Variants in SFMBT2 observed in about 807,000 individuals in gnomAD.
The protein encoded by SFMBT2 is scm-like with four MBT domains protein 2.
SFMBT2 carries 38 observed loss-of-function variants against 110.1 expected under a neutral mutation model. The observed-to-expected ratio is 0.35, with a 90% CI of 0.27 to 0.45. The LOEUF is 0.45. Among genes scored for constraint, SFMBT2 ranks in the 20% least tolerant of loss-of-function variants. The pLI, the probability that SFMBT2 is intolerant of heterozygous loss-of-function variation, is 1.00. For missense variants in SFMBT2, 1,011 were observed against 1,094.9 expected (o/e 0.92, Z 1.08); for synonymous variants, 425 against 425.4 (o/e 1.00, Z 0.01).
intron 20 of SFMBT2, chr10:7,164,334 TG>T: frequency 1.2e-6 from 1 of 804,088 alleles, no homozygotes; most frequent in Non-Finnish European, 1.5e-6. Flanking sequence ...TGCAGTGAGC[TG>T]TGATCATACC....
chr10:7,287,077 CTTT>C (rs761728311), intron 4 of SFMBT2, among the ~76,000 whole-genome samples: 1 of 99,682 alleles, frequency 1.0e-5, no homozygotes, highest in East Asian at 3.3e-4. Flanking sequence ...TTTGAGGCAT[CTTT>C]TTTTTTTTTT....
chr10:7,204,409 G>T, intron 12 of SFMBT2: 2 of 985,382 alleles, frequency 2.0e-6, no homozygotes, highest in Non-Finnish European at 2.4e-6. Flanking sequence ...ATTCCATCAA[G>T]AAAATGTCAG....
intron 1 of SFMBT2, among the ~76,000 whole-genome samples, chr10:7,386,741 GT>G (rs1360961672): frequency 6.6e-6 from 1 of 152,216 alleles, no homozygotes; most frequent in Admixed American, 6.5e-5. Context: ...AGAAATGGAA[GT>G]GTTAGCATGG....
chr10:7,410,737 T>A (rs1486193172), intron 1 of SFMBT2, among the ~76,000 whole-genome samples, 124 bp downstream of exon 1: 1 of 151,112 alleles, frequency 6.6e-6, no homozygotes, highest in Non-Finnish European at 1.5e-5. Context: ...CCTTCCTTTT[T>A]TTTTTTTTCC....
chr10:7,309,702 G>C (rs1445663098), intron 4 of SFMBT2, among the ~76,000 whole-genome samples: 1 of 152,116 alleles, frequency 6.6e-6, no homozygotes, highest in Non-Finnish European at 1.5e-5. Flanking sequence ...TTTTATAAGG[G>C]AACATATATG....
chr10:7,241,986 C>T (rs1174588059), intron 9 of SFMBT2, among the ~76,000 whole-genome samples: 1 of 152,114 alleles, frequency 6.6e-6, no homozygotes, highest in Non-Finnish European at 1.5e-5. Context: ...GTAGCATTTA[C>T]ATATCTAGAA....
At chr10:7,273,143 C>T (rs1259936576) in intron 7 of SFMBT2, among the ~76,000 whole-genome samples, 2 of 152,216 alleles carry the variant, frequency 1.3e-5, no homozygotes, top group East Asian at 3.8e-4. Flanking sequence ...TAAAATTCTA[C>T]ACCCACACAA....
chr10:7,237,645 G>A (rs1840298661), intron 9 of SFMBT2, among the ~76,000 whole-genome samples: 1 of 152,120 alleles, frequency 6.6e-6, no homozygotes, highest in Admixed American at 6.5e-5. Context: ...TACCTACCAA[G>A]TGCCACCCAC....
chr10:7,406,519 A>G (rs1203757880), intron 1 of SFMBT2, among the ~76,000 whole-genome samples: 9 of 151,578 alleles, frequency 5.9e-5, no homozygotes, highest in South Asian at 2.1e-4. Flanking sequence ...GGAAAAATGG[A>G]TAAGTGTTTA....
chr10:7,168,620 C>T (rs112975328), intron 20 of SFMBT2, among the ~76,000 whole-genome samples: 4,576 of 152,346 alleles, frequency 0.03, 144 homozygotes, highest in African/African-American at 0.084. Flanking sequence ...GAATACAACG[C>T]TTATCTCGCC....
intron 2 of SFMBT2, among the ~76,000 whole-genome samples, chr10:7,378,766 G>A (rs569933921): frequency 1.0e-4 from 15 of 142,866 alleles, no homozygotes; most frequent in African/African-American, 1.6e-4. Context: ...TGGGTGTGTC[G>A]CTGTGGGGTG....
At chr10:7,388,808 C>T (rs1845691073) in intron 1 of SFMBT2, among the ~76,000 whole-genome samples, 1 of 152,026 alleles carries the variant, frequency 6.6e-6, no homozygotes, top group Non-Finnish European at 1.5e-5. Flanking sequence ...AGTAAGGGCC[C>T]GAGCCCTGCG....
chr10:7,307,285 C>T (rs564267584), intron 4 of SFMBT2, among the ~76,000 whole-genome samples: 3 of 152,064 alleles, frequency 2.0e-5, no homozygotes, highest in South Asian at 4.2e-4. Context: ...ACGATTTAGT[C>T]GACCCTATTC....
intron 7 of SFMBT2, among the ~76,000 whole-genome samples, chr10:7,256,151 T>A (rs1177104226): frequency 1.3e-5 from 2 of 152,164 alleles, no homozygotes; most frequent in African/African-American, 4.8e-5. Flanking sequence ...TGAAGTTATC[T>A]AAGCAAGGGC....
At chr10:7,215,016 A>G (rs1472367977) in intron 11 of SFMBT2, among the ~76,000 whole-genome samples, 6 of 152,238 alleles carry the variant, frequency 3.9e-5, no homozygotes, top group Admixed American at 3.9e-4. Context: ...CCTCAACTAA[A>G]AGGCTAAAAT....
intron 10 of SFMBT2, 148 bp from the exon 11 acceptor site, chr10:7,220,685 GAAGA>G (rs1839698660): frequency 1.2e-6 from 1 of 817,452 alleles, no homozygotes; most frequent in East Asian, 2.6e-5. Context: ...CACTGTTCAT[GAAGA>G]AAGAACCAGG....
intron 1 of SFMBT2, among the ~76,000 whole-genome samples, chr10:7,391,157 C>G (rs1335171533): frequency 6.6e-6 from 1 of 151,526 alleles, no homozygotes; most frequent in Admixed American, 6.6e-5. Flanking sequence ...CAAAGACCAA[C>G]AAGAAAGCCA....
At chr10:7,228,644 T>A (rs921588744) in intron 9 of SFMBT2, among the ~76,000 whole-genome samples, 3 of 152,034 alleles carry the variant, frequency 2.0e-5, no homozygotes, top group African/African-American at 7.3e-5. Context: ...ACACTGAATG[T>A]AACCAACTAC....
chr10:7,228,713 TTCTTTCTTTC>T (rs1473416712), intron 9 of SFMBT2, among the ~76,000 whole-genome samples: 10 of 132,148 alleles, frequency 7.6e-5, no homozygotes, highest in African/African-American at 1.2e-4. Flanking sequence ...CTTTCTTTCT[TTCTTTCTTTC>T]TTTCTTTCTT....
Sources: gnomAD v4.1 joint callset for allele counts (sites outside exome capture counted in the v4.1 genomes callset) on GRCh38, gnomAD v4.1.1 for gene constraint, MANE v1.5 for transcripts, NCBI Gene and HGNC (gene_info 2026-07-23, HGNC 2026-07-21) for gene names.